OLFM4: variants seen among roughly 807,000 people sequenced by gnomAD.
The protein encoded by OLFM4 is olfactomedin 4, also known as olfactomedin-4.
OLFM4 carries 22 observed loss-of-function variants against 25.5 expected under a neutral mutation model. That is an observed-to-expected ratio of 0.86 (90% CI 0.62 to 1.23). The LOEUF (loss-of-function observed/expected upper bound fraction) is 1.23. Ranked by LOEUF, OLFM4 falls within the 50% of genes most tolerant of loss-of-function variation. The probability of loss-of-function intolerance (pLI) is 0.00; values close to 1 mark genes in which losing one functional copy is unlikely to be tolerated. For missense variants in OLFM4, 594 were observed against 619.4 expected (o/e 0.96, Z 0.44); for synonymous variants, 255 against 237.7 (o/e 1.07, Z -0.67).
intron 1 of OLFM4, among the ~76,000 whole-genome samples, chr13:53,030,559 C>T (rs953875541): frequency 3.3e-5 from 5 of 152,144 alleles, no homozygotes; most frequent in African/African-American, 1.2e-4. Flanking sequence ...CCTCAGCCTC[C>T]CAAAGTGCTG....
At position 53,042,058 on chromosome 13, in the gene OLFM4, T is replaced by G; in HGVS notation, c.506T>G (p.Leu169Arg). Residue 169 changes from leucine to arginine, a missense_variant, in exon 3 of 5, where the codon CTG becomes CGG. Transcript: ENST00000219022. The stretch of plus-strand genomic sequence containing the variant: ...GTAGAAGTGAAGGAGATGGAAAAAC[T>G]GGTCATACAGCTGAAGGAGAGTTTT... ...IKVEVKEMEK[L>R]VIQLKESFGG... The G allele has an allele frequency of 6.2e-7, 1 of 1,614,054 alleles. No homozygotes were observed. Among genetic ancestry groups the G allele is most frequent in the Non-Finnish European group, 8.5e-7 (1 of 1,179,968 alleles).
intron 2 of OLFM4, among the ~76,000 whole-genome samples, chr13:53,038,791 C>G (rs1197573348): frequency 6.6e-6 from 1 of 152,150 alleles, no homozygotes; most frequent in Admixed American, 6.5e-5. Context: ...CACGCATTCC[C>G]AAAGCTACAG....
intron 4 of OLFM4, among the ~76,000 whole-genome samples, chr13:53,048,208 T>C (rs762363641): frequency 2.0e-5 from 3 of 152,214 alleles, no homozygotes; most frequent in Non-Finnish European, 2.9e-5. Flanking sequence ...GAAATAATAA[T>C]TTATAATTTT....
chr13:53,042,479 C>G (rs1048234910), intron 3 of OLFM4, among the ~76,000 whole-genome samples: 1 of 152,188 alleles, frequency 6.6e-6, no homozygotes, highest in African/African-American at 2.4e-5. Flanking sequence ...CCTCATGGAA[C>G]TAGAAATCCA....
intron 2 of OLFM4, among the ~76,000 whole-genome samples, chr13:53,039,928 G>C (rs1272672040): frequency 6.6e-6 from 1 of 152,120 alleles, no homozygotes; most frequent in African/African-American, 2.4e-5. Flanking sequence ...ACTTTAATTT[G>C]CACAATGGGG....
intron 1 of OLFM4, 60 bp downstream of exon 1, chr13:53,029,100 A>G: frequency 6.3e-7 from 1 of 1,599,648 alleles, no homozygotes. Flanking sequence ...GCTTTTGGGT[A>G]CCTGAATACA....
chr13:53,030,947 T>C (rs761855167), intron 1 of OLFM4, among the ~76,000 whole-genome samples: 1 of 152,172 alleles, frequency 6.6e-6, no homozygotes, highest in Non-Finnish European at 1.5e-5. Flanking sequence ...GCACTCTTTT[T>C]TGGACTGAGG....
intron 2 of OLFM4, among the ~76,000 whole-genome samples, chr13:53,038,002 G>A (rs909855145): frequency 6.6e-6 from 1 of 152,146 alleles, no homozygotes; most frequent in Non-Finnish European, 1.5e-5. Context: ...GATATAGTAT[G>A]TGCATAACAA....
chr13:53,045,013 G>A (rs1954708287), intron 4 of OLFM4, among the ~76,000 whole-genome samples: 1 of 152,100 alleles, frequency 6.6e-6, no homozygotes, highest in Admixed American at 6.6e-5. Flanking sequence ...TGTCTCAGAG[G>A]AGAAGACGTG....
Position 53,050,336 on chromosome 13 carries a change from T to G in OLFM4, c.1098T>G (p.Asn366Lys). The change falls in exon 5 of 5, where the codon AAT becomes AAG. Residue 366 changes from asparagine to lysine, a missense_variant. Transcript: ENST00000219022. Reference sequence around the variant, plus strand: ...TTGCTGTGACTCAAACTCTCCCTAATGCTGCCTATAATAACCGCTTTTCAT... The same window carrying G: ...TTGCTGTGACTCAAACTCTCCCTAAGGCTGCCTATAATAACCGCTTTTCAT... ...NTIAVTQTLPNAAYNNRFSYA... is the reference protein window; with the variant it reads ...NTIAVTQTLPKAAYNNRFSYA... The G allele has an allele frequency of 3.1e-6, 5 of 1,614,090 alleles. No homozygotes were observed. Among genetic ancestry groups the G allele is most frequent in the Non-Finnish European group, 4.2e-6 (5 of 1,179,978 alleles).
At position 53,050,271 on chromosome 13, in the gene OLFM4, A is replaced by G. The variant is rs1005411605; in HGVS notation, c.1033A>G (p.Thr345Ala). 15 of 1,613,950 alleles carry G rather than the reference A, an allele frequency of 9.3e-6. No individual in the cohort carries two copies. The highest frequency in any genetic ancestry group is 1.3e-5 in the Non-Finnish European group (15 of 1,179,960). The change falls in exon 5 of 5, where the codon ACC becomes GCC. Residue 345 changes from threonine (T) to alanine (A), a missense_variant. Transcript: ENST00000219022. ...CAACATGTACGTCAACATGTACAAC[A>G]CCGGGAATATTGCCAGAGTTAACCT... Reference protein sequence around the residue: ...NNNMYVNMYNTGNIARVNLTT... With the variant: ...NNNMYVNMYNAGNIARVNLTT...
intron 3 of OLFM4, 22 bp from the exon 4 acceptor site, chr13:53,043,083 C>T: frequency 1.9e-6 from 3 of 1,561,486 alleles, no homozygotes; most frequent in Non-Finnish European, 2.6e-6. Context: ...TATAAAGTCA[C>T]TCTGAATTTT....
intron 4 of OLFM4, among the ~76,000 whole-genome samples, chr13:53,045,188 G>C (rs938846839): frequency 6.6e-6 from 1 of 152,128 alleles, no homozygotes; most frequent in African/African-American, 2.4e-5. Flanking sequence ...TAGTATCCAG[G>C]GAAGAAAACA....
intron 1 of OLFM4, among the ~76,000 whole-genome samples, chr13:53,032,895 A>C (rs1230202353): frequency 6.6e-6 from 1 of 152,144 alleles, no homozygotes; most frequent in Non-Finnish European, 1.5e-5. Flanking sequence ...CACAGGACCC[A>C]TTACACCACC....
intron 1 of OLFM4, among the ~76,000 whole-genome samples, chr13:53,029,364 A>C (rs1486596696): frequency 6.6e-6 from 1 of 152,182 alleles, no homozygotes; most frequent in Non-Finnish European, 1.5e-5. Context: ...TACTTAAAAA[A>C]ATCCTACATA....
chr13:53,034,783 T>G (rs1954649146), intron 2 of OLFM4, among the ~76,000 whole-genome samples: 1 of 152,218 alleles, frequency 6.6e-6, no homozygotes. Context: ...GAGCTCTCCT[T>G]GCAAACCCCA....
At chr13:53,045,537 C>A (rs1209022801) in intron 4 of OLFM4, among the ~76,000 whole-genome samples, 1 of 152,110 alleles carries the variant, frequency 6.6e-6, no homozygotes, top group Non-Finnish European at 1.5e-5. Flanking sequence ...AACTTGTGAG[C>A]CTGTGGAGAC....
In OLFM4 at chr13:53,050,914, T is replaced by C. The variant is rs1954745133; in HGVS notation, c.*143T>C. On this transcript the variant is annotated 3_prime_UTR_variant, in exon 5 of 5. Coordinates refer to ENST00000219022, the MANE Select transcript of OLFM4 (RefSeq NM_006418.5). ...GCATAGTTCTACCACACTAGAGATC[T>C]AGGACATTTGTCTTGATTTGGTGAG... 1.5e-6 allele frequency: 1 copy of C among 679,598 alleles called. No individual in the cohort carries two copies. The highest frequency in any genetic ancestry group is 1.8e-5 in the African/African-American group (1 of 55,340). 42.1% of individuals were successfully genotyped at this position (679,598 alleles called of 1,614,324 possible).
chr13:53,032,316 A>G (rs1954633230), intron 1 of OLFM4, among the ~76,000 whole-genome samples: 1 of 151,238 alleles, frequency 6.6e-6, no homozygotes, highest in African/African-American at 2.4e-5. Context: ...AGCTAATTAA[A>G]CTCCCCTTGT....
Sources: gnomAD v4.1 joint callset for allele counts (sites outside exome capture counted in the v4.1 genomes callset) on GRCh38, gnomAD v4.1.1 for gene constraint, MANE v1.5 for transcripts, NCBI Gene and HGNC (gene_info 2026-07-23, HGNC 2026-07-21) for gene names.